Variants in SAMD3 observed in about 807,000 individuals in gnomAD.
SAMD3 encodes the protein sterile alpha motif domain containing 3, also known as sterile alpha motif domain-containing protein 3.
In SAMD3, 63 loss-of-function variants were observed where a neutral mutation model predicts 58.5. The observed-to-expected ratio is 1.08, with a 90% CI of 0.88 to 1.33. The LOEUF is 1.33. SAMD3 is among the 40% of genes most tolerant of loss of function. The pLI, the probability that SAMD3 is intolerant of heterozygous loss-of-function variation, is 0.00. For missense variants in SAMD3, 604 were observed against 608.4 expected (o/e 0.99, Z 0.08); for synonymous variants, 220 against 210.3 (o/e 1.05, Z -0.40).
At chr6:130,175,094 T>C (rs911367783) in intron 8 of SAMD3, among the ~76,000 whole-genome samples, 17 of 152,226 alleles carry the variant, frequency 1.1e-4, no homozygotes, top group Non-Finnish European at 2.4e-4. Context: ...CATATTCACA[T>C]TGGATCAAGA....
At chr6:130,184,372 G>A in intron 6 of SAMD3, 66 bp downstream of exon 6, 1 of 1,465,916 alleles carries the variant, frequency 6.8e-7, no homozygotes, top group South Asian at 1.3e-5. Context: ...TGATTCCACA[G>A]GAATTCTACT....
chr6:130,320,366 G>T (rs187529600), intron 1 of SAMD3, among the ~76,000 whole-genome samples: 1 of 152,284 alleles, frequency 6.6e-6, no homozygotes, highest in Admixed American at 6.5e-5. Context: ...CACTATGCAC[G>T]TATTAGAATG....
At chr6:130,268,323 T>C (rs1205350324) in intron 2 of SAMD3, among the ~76,000 whole-genome samples, 2 of 152,090 alleles carry the variant, frequency 1.3e-5, no homozygotes, top group East Asian at 1.9e-4. Flanking sequence ...TACAAAGGAG[T>C]ACAAAAATTT....
chr6:130,227,617 G>A (rs117187220), upstream of SAMD3, among the ~76,000 whole-genome samples: 4,017 of 152,100 alleles, frequency 0.026, 72 homozygotes, highest in Non-Finnish European at 0.039. Flanking sequence ...GTGAAACCTC[G>A]TCTCTACCAG....
chr6:130,229,751 C>T (rs62431197), intron 2 of SAMD3, among the ~76,000 whole-genome samples: 21,560 of 152,176 alleles, frequency 0.14, 1,745 homozygotes, highest in East Asian at 0.36. Context: ...TATCCAACTT[C>T]GTATTTTTAG....
intron 1 of SAMD3, among the ~76,000 whole-genome samples, chr6:130,363,212 A>G (rs565025395): frequency 6.6e-6 from 1 of 152,324 alleles, no homozygotes; most frequent in South Asian, 2.1e-4. Flanking sequence ...TTTCTGTTTA[A>G]GGATCCCTTC....
At chr6:130,218,469 T>C (rs892702926) in intron 1 of SAMD3, among the ~76,000 whole-genome samples, 3 of 152,102 alleles carry the variant, frequency 2.0e-5, no homozygotes, top group African/African-American at 7.2e-5. Flanking sequence ...CTTCCAACCA[T>C]CACCAGACCA....
chr6:130,199,126 G>A (rs1333231338), intron 5 of SAMD3, among the ~76,000 whole-genome samples: 2 of 152,272 alleles, frequency 1.3e-5, no homozygotes, highest in African/African-American at 4.8e-5. Context: ...TACACATCCT[G>A]GCTACAGGAC....
chr6:130,318,370 A>ATATG (rs1346327755), intron 1 of SAMD3, among the ~76,000 whole-genome samples: 3 of 152,326 alleles, frequency 2.0e-5, no homozygotes, highest in African/African-American at 7.2e-5. Context: ...AATAAAATAC[A>ATATG]TATGCAGCAC....
chr6:130,280,801 A>G (rs1053674264), intron 2 of SAMD3, among the ~76,000 whole-genome samples: 1 of 152,190 alleles, frequency 6.6e-6, no homozygotes, highest in Admixed American at 6.5e-5. Flanking sequence ...AAATTTAGTA[A>G]TCATCTATAT....
chr6:130,161,259 G>A (rs1167560420), intron 8 of SAMD3: 1 of 152,110 alleles, frequency 6.6e-6, no homozygotes, highest in Admixed American at 6.6e-5. Context: ...TCTTCTGTAT[G>A]TCTCAAATGC....
chr6:130,224,655 G>T (rs1373297560), upstream of SAMD3, among the ~76,000 whole-genome samples: 1 of 150,722 alleles, frequency 6.6e-6, no homozygotes, highest in Non-Finnish European at 1.5e-5. Flanking sequence ...GTCTCCCTTT[G>T]TCACCCAGGC....
chr6:130,213,203 C>T (rs776149508), intron 4 of SAMD3, among the ~76,000 whole-genome samples: 1 of 151,904 alleles, frequency 6.6e-6, no homozygotes, highest in Non-Finnish European at 1.5e-5. Context: ...GAGGCGGAAG[C>T]AGGAGGATTG....
intron 10 of SAMD3, among the ~76,000 whole-genome samples, 168 bp from the exon 11 acceptor site, chr6:130,145,590 A>G (rs146472031): frequency 1.3e-5 from 2 of 152,288 alleles, no homozygotes; most frequent in East Asian, 3.9e-4. Flanking sequence ...TTCTAATAAA[A>G]CATTCAAAAT....
chr6:130,195,041 G>T (rs1415606820), intron 5 of SAMD3, among the ~76,000 whole-genome samples: 3 of 152,094 alleles, frequency 2.0e-5, no homozygotes, highest in Non-Finnish European at 2.9e-5. Flanking sequence ...TGCCAACTTA[G>T]ACAATACTCT....
chr6:130,258,371 T>C (rs73607955), intron 2 of SAMD3, among the ~76,000 whole-genome samples: 2,222 of 152,310 alleles, frequency 0.015, 49 homozygotes, highest in African/African-American at 0.051. Context: ...CTAGTCTATT[T>C]ACATTTATGT....
At chr6:130,166,118 A>T (rs1214458110) in intron 8 of SAMD3, among the ~76,000 whole-genome samples, 2 of 152,050 alleles carry the variant, frequency 1.3e-5, no homozygotes, top group African/African-American at 4.8e-5. Flanking sequence ...TTGGTTTAAC[A>T]CTTCCTCCAT....
chr6:130,263,469 T>C (rs1277658331), intron 2 of SAMD3, among the ~76,000 whole-genome samples: 1 of 151,532 alleles, frequency 6.6e-6, no homozygotes, highest in Non-Finnish European at 1.5e-5. Flanking sequence ...CCAAGAATGC[T>C]GTTCATACAG....
chr6:130,268,018 TCATGTAGTGA>T (rs1774423559), intron 2 of SAMD3, among the ~76,000 whole-genome samples: 1 of 152,156 alleles, frequency 6.6e-6, no homozygotes, highest in African/African-American at 2.4e-5. Flanking sequence ...AAAATTCCTA[TCATGTAGTGA>T]CATTGTAACC....
Sources: allele counts gnomAD v4.1 joint callset (sites outside exome capture counted in the v4.1 genomes callset), GRCh38; gene constraint gnomAD v4.1.1; transcripts MANE v1.5; gene names NCBI Gene and HGNC (gene_info 2026-07-23, HGNC 2026-07-21).